CAPN12: variants seen among roughly 807,000 people sequenced by gnomAD.
The protein encoded by CAPN12 is calpain-12.
In CAPN12, 107 loss-of-function variants were observed where a neutral mutation model predicts 95.0. That is an observed-to-expected ratio of 1.13 (90% CI 0.96 to 1.32). The LOEUF (loss-of-function observed/expected upper bound fraction) is 1.32, where lower values mean the gene tolerates loss of function less well. CAPN12 is among the 40% of genes most tolerant of loss of function. The pLI is 0.00. For synonymous variants in CAPN12, 505 were observed against 415.5 expected, an observed-to-expected ratio of 1.22 and a Z score of -2.62; for missense variants, 1,136 against 997.8, an observed-to-expected ratio of 1.14 and a Z score of -1.87.
chr19:38,741,555 A>G (rs369492778), intron 4 of CAPN12, among the ~76,000 whole-genome samples: 15 of 151,796 alleles, frequency 9.9e-5, no homozygotes, highest in South Asian at 2.1e-4. Flanking sequence ...CCTGGGCGAC[A>G]GAGTGAGTGA....
rs577418770 is a variant in CAPN12 at position 38,734,722 on chromosome 19, C to T, written c.1744+91G>A. ...TTCCTGAGCCCAACTCCCAGCAGCG[C>T]GGTGGGTTCATAGACATAGGGTGGC... On this transcript the variant is annotated intron_variant, in intron 15 of 20. Transcript: ENST00000328867. 108 of 1,176,416 alleles carry T rather than the reference C, an allele frequency of 9.2e-5. 1 individual carries two copies. In the South Asian group the frequency reaches 1.1e-3, roughly 12 times the overall value. 72.9% of individuals were successfully genotyped at this position (1,176,416 alleles called of 1,614,324 possible).
Position 38,738,425 on chromosome 19 carries a change from T to C in CAPN12, c.883A>G (p.Ser295Gly), listed in dbSNP as rs1204485985. 3.1e-6 allele frequency: 5 copies of C among 1,609,552 alleles called. No homozygotes were observed. Among genetic ancestry groups the C allele is most frequent in the Non-Finnish European group, 4.2e-6 (5 of 1,178,278 alleles). ...ACCCCAGACCCATCCCACCTGTCGC[T>C]CCAGGCCCCCGTCCACTCCACGCAG... ...WGCVEWTGAW[S>G]DSCPRWDTLP... The change falls in exon 7 of 21, where the codon AGC (serine) becomes GGC (glycine). Residue 295 changes from serine (S) to glycine (G), a missense_variant. Physicochemically the swap from Ser to Gly is moderately conservative, Grantham distance 56 (BLOSUM62 0). Coordinates refer to ENST00000328867, the MANE Select transcript of CAPN12 (RefSeq NM_144691.4).
chr19:38,733,387 T>C (rs1969775678), intron 18 of CAPN12: 1 of 350,686 alleles, frequency 2.9e-6, no homozygotes, highest in Non-Finnish European at 5.2e-6. Context: ...CATGCTGCCC[T>C]GGGGGCCAGA....
intron 5 of CAPN12, chr19:38,739,058 G>T (rs1970392723): frequency 3.5e-6 from 1 of 289,414 alleles, no homozygotes; most frequent in Non-Finnish European, 6.7e-6. Context: ...CTTGAGCCCA[G>T]AGGTCAAGGC....
Position 38,744,351 on chromosome 19 carries a change from G to A in CAPN12, c.-186C>T. 1.6e-6 allele frequency: 1 copy of A among 626,556 alleles called. No individual in the cohort carries two copies. Among genetic ancestry groups the A allele is most frequent in the Non-Finnish European group, 2.8e-6 (1 of 359,020 alleles). The allele number at this position is 626,556 out of a possible 1,614,324, so 38.8% of individuals were successfully genotyped here. ...CCTCTTCAGTAGCTTTCTTCCCAGG[G>A]CGTGGGGCCTTCAGTTGTGGCCAAG... is the stretch of plus-strand genomic sequence containing the variant. On this transcript the variant is annotated 5_prime_UTR_variant, in exon 1 of 21. Coordinates refer to ENST00000328867, the MANE Select transcript of CAPN12 (RefSeq NM_144691.4).
chr19:38,738,392 CCACA>C, intron 7 of CAPN12, 22 bp downstream of exon 7: 1 of 1,610,964 alleles, frequency 6.2e-7, no homozygotes, highest in Non-Finnish European at 8.5e-7. Context: ...GGGTCCAGCC[CCACA>C]CCCACCCCAG....
At chr19:38,733,447 C>T in intron 18 of CAPN12, 1 of 487,686 alleles carries the variant, frequency 2.1e-6, no homozygotes, top group Non-Finnish European at 3.6e-6. Context: ...GGGGCCTCTC[C>T]CTGCCCCAGA....
In CAPN12 at chr19:38,737,268, C is replaced by G. The variant is rs1206192323; in HGVS notation, c.1250G>C (p.Arg417Pro). Residue 417 changes from arginine (R) to proline (P), a missense_variant, in exon 10 of 21, where the codon CGG becomes CCG. Coordinates refer to ENST00000328867, the MANE Select transcript of CAPN12 (RefSeq NM_144691.4). ...CGTGCACTTGGGCGTGCGGCCCCCC[C>G]GCGCTGGGCCCCGTGCCCCTGCAGC... ...WGAAGARGPARGGRTPKCTVL... is the reference protein window; with the variant it reads ...WGAAGARGPAPGGRTPKCTVL... The G allele has an allele frequency of 3.2e-6, 5 of 1,547,158 alleles. No individual in the cohort carries two copies. The highest frequency in any genetic ancestry group is 2.6e-6 in the Non-Finnish European group (3 of 1,146,404).
At position 38,737,200 on chromosome 19, in the gene CAPN12, C is replaced by T; in HGVS notation, c.1318G>A (p.Ala440Thr). 1 of 1,549,698 alleles carries T rather than the reference C, an allele frequency of 6.5e-7. No homozygotes were observed. Among genetic ancestry groups the T allele is most frequent in the Non-Finnish European group, 8.7e-7 (1 of 1,147,770 alleles). Residue 440 changes from alanine (A) to threonine (T), a missense_variant, in exon 10 of 21, where the codon GCC becomes ACC. Ala to Thr is a moderately conservative substitution (Grantham distance 58). Coordinates refer to ENST00000328867, the MANE Select transcript of CAPN12 (RefSeq NM_144691.4). ...ACGGTGAGGTAAGTGAGGCCCTTGGCTCTCAGGCGCCGCCGGTTGCGCTGG... is the reference window on the plus strand; with the variant it reads ...ACGGTGAGGTAAGTGAGGCCCTTGGTTCTCAGGCGCCGCCGGTTGCGCTGG... ...LIQRNRRRLR[A>T]KGLTYLTVGF... is the part of the protein sequence containing the mutation.
In CAPN12 at chr19:38,743,113, TG is replaced by T; in HGVS notation, c.238-12del. On this transcript the variant is annotated splice_polypyrimidine_tract_variant and intron_variant, in intron 1 of 20. Transcript: ENST00000328867. ...CTCAGCACAGAACTCCTGTGGGTGG[TG>T]GGGGATTCCAGGCCTCAGCCTGAGA... 6.2e-7 allele frequency: 1 copy of T among 1,613,860 alleles called. No individual in the cohort carries two copies. The highest frequency in any genetic ancestry group is 8.5e-7 in the Non-Finnish European group (1 of 1,179,882).
chr19:38,743,941 C>G lies in CAPN12; in HGVS notation c.225G>C (p.Trp75Cys). ...AGCCACACTTTACATGGGGCCTCAT[C>G]CATTTCACGCCTTTGGCCTTCTCCG... ...PDSEKAKGVK[W>C]MRPHEFCAEP... The change falls in exon 1 of 21, where the codon TGG becomes TGC. Residue 75 changes from tryptophan (W) to cysteine (C), a missense_variant. Trp to Cys is a radical substitution (Grantham distance 215, BLOSUM62 -2). Coordinates refer to ENST00000328867, the MANE Select transcript of CAPN12 (RefSeq NM_144691.4). 1 of 1,614,170 alleles carries G rather than the reference C, an allele frequency of 6.2e-7. No homozygotes were observed.
Position 38,736,220 on chromosome 19 carries a change from G to T in CAPN12, c.1473C>A (p.Arg491=). The T allele has an allele frequency of 6.7e-7, 1 of 1,501,252 alleles. No homozygotes were observed. 93.0% of individuals were successfully genotyped at this position (1,501,252 alleles called of 1,614,324 possible). ...AGTGGCCTGGACGCAGGCAGCAGCG[G>T]CGGGTCACGTCGCGGCGGGCGCTGA... ...SPLSARRDVT[R]RCCLRPGHYL... The change falls in exon 12 of 21, where the codon CGC becomes CGA. Residue 491 remains arginine, a synonymous_variant. Transcript: ENST00000328867.
rs754601614 is a variant in CAPN12, at chr19:38,737,171, G to T, written c.1347C>A (p.Gly449=). 4.5e-6 allele frequency: 7 copies of T among 1,538,554 alleles called. No homozygotes were observed. The highest frequency in any genetic ancestry group is 2.4e-5 in the South Asian group (2 of 83,794). The change falls in exon 10 of 21, where the codon GGC becomes GGA. Residue 449 remains glycine, a synonymous_variant. Coordinates refer to ENST00000328867, the MANE Select transcript of CAPN12 (RefSeq NM_144691.4). ...RAKGLTYLTV[G]FHVFQIPEEL... Reference sequence around the variant, plus strand: ...AGGACCTCACCTGGAACACGTGGAAGCCAACGGTGAGGTAAGTGAGGCCCT... The same window carrying T: ...AGGACCTCACCTGGAACACGTGGAATCCAACGGTGAGGTAAGTGAGGCCCT...
At chr19:38,743,555 C>T (rs1172766386) in intron 1 of CAPN12, among the ~76,000 whole-genome samples, 1 of 131,596 alleles carries the variant, frequency 7.6e-6, no homozygotes, top group Non-Finnish European at 1.7e-5. Flanking sequence ...CAGGTCCAGC[C>T]CCTCCTCCCT....
rs199742436 is a variant in CAPN12, at chr19:38,731,218, G to A, written c.1963C>T (p.His655Tyr). Residue 655 changes from histidine to tyrosine, a missense_variant, in exon 19 of 21, where the codon CAC becomes TAC. Transcript: ENST00000328867. ...LRLALNAAGFHLNNQLTQTLT... is the reference protein window; with the variant it reads ...LRLALNAAGFYLNNQLTQTLT... ...GTCTGGGTCAGCTGGTTGTTCAGGT[G>A]GAAGCCTAGGGGGAGGCTGCTTCTG... 110 of 1,612,378 alleles carry A rather than the reference G, an allele frequency of 6.8e-5. 1 individual carries two copies. In the Admixed American group the frequency reaches 1.1e-3, roughly 16 times the overall value.
chr19:38,735,475 T>C (rs774165663), intron 13 of CAPN12, 27 bp downstream of exon 13: 3 of 1,610,676 alleles, frequency 1.9e-6, no homozygotes, highest in African/African-American at 1.3e-5. Context: ...CCCCGCCCCA[T>C]GCCGCCCCTC....
intron 5 of CAPN12, chr19:38,738,989 A>C (rs1970389041): frequency 5.5e-6 from 2 of 361,486 alleles, no homozygotes; most frequent in Non-Finnish European, 1.1e-5. Flanking sequence ...AAAATTCAAC[A>C]GGCGTGGTGG....
In CAPN12 at chr19:38,743,984, T is replaced by A; in HGVS notation, c.182A>T (p.Asp61Val). 6.2e-7 allele frequency: 1 copy of A among 1,614,208 alleles called. No homozygotes were observed. Among genetic ancestry groups the A allele is most frequent in the South Asian group, 1.1e-5 (1 of 91,082 alleles). ...CTTCTCCGAGTCCGGCCCCAGCTGG[T>A]CATAGCCAAGGGCATCAGGGCCAGC... ...FPAGPDALGY[D>V]QLGPDSEKAK... The change falls in exon 1 of 21, where the codon GAC (aspartate) becomes GTC (valine). Residue 61 changes from aspartate to valine, a missense_variant. By Grantham distance (152) the Asp-to-Val change is radical (BLOSUM62 -3). Transcript: ENST00000328867.
chr19:38,735,486 C>T lies in CAPN12; in HGVS notation c.1626+16G>A, dbSNP rs747438602. ...AGATCCCCGCCCCATGCCGCCCCTC[C>T]AGGAACAGTCCCCACCTGGAGAGAC... On this transcript the variant is annotated intron_variant, in intron 13 of 20. Transcript: ENST00000328867. 1.9e-6 allele frequency: 3 copies of T among 1,611,198 alleles called. No individual in the cohort carries two copies. Among genetic ancestry groups the T allele is most frequent in the East Asian group, 2.2e-5 (1 of 44,648 alleles).
Sources: allele counts gnomAD v4.1 joint callset (sites outside exome capture counted in the v4.1 genomes callset), GRCh38; gene constraint gnomAD v4.1.1; transcripts MANE v1.5; gene names NCBI Gene and HGNC (gene_info 2026-07-23, HGNC 2026-07-21).